Variants in TAF4 observed in about 807,000 individuals in gnomAD.
TAF4 encodes the protein transcription initiation factor TFIID subunit 4.
A neutral mutation model predicts 90.3 loss-of-function variants in TAF4; 9 were observed. The ratio of observed to expected loss-of-function variants is 0.10; its 90% CI spans 0.06 to 0.17. The LOEUF is 0.17. Among genes scored for constraint, TAF4 ranks in the 10% least tolerant of loss-of-function variants. The probability of loss-of-function intolerance (pLI) is 1.00; values close to 1 mark genes in which losing one functional copy is unlikely to be tolerated. For missense variants in TAF4, 1,351 were observed against 1,370.7 expected, an observed-to-expected ratio of 0.99 and a Z score of 0.23; for synonymous variants, 818 against 638.9, an observed-to-expected ratio of 1.28 and a Z score of -4.23.
intron 14 of TAF4, among the ~76,000 whole-genome samples, chr20:61,990,947 A>G (rs1481532272): frequency 1.3e-5 from 2 of 152,216 alleles, no homozygotes. Context: ...ACAGAAAGAC[A>G]TTCAGGTCAA....
At chr20:62,024,825 A>G (rs57926335) in intron 1 of TAF4, among the ~76,000 whole-genome samples, 36,448 of 151,794 alleles carry the variant, frequency 0.24, 6,218 homozygotes, top group African/African-American at 0.47. Context: ...AGCCGAGATC[A>G]TGCCACTGCA....
At chr20:62,042,385 A>G (rs535081323) in intron 1 of TAF4, among the ~76,000 whole-genome samples, 3 of 152,392 alleles carry the variant, frequency 2.0e-5, no homozygotes, top group Admixed American at 6.5e-5. Context: ...CCATCCTTCA[A>G]GTCCGTGTGA....
intron 1 of TAF4, among the ~76,000 whole-genome samples, chr20:62,045,798 A>G (rs1436390302): frequency 6.6e-6 from 1 of 152,114 alleles, no homozygotes; most frequent in Non-Finnish European, 1.5e-5. Flanking sequence ...TCCAGAGCAG[A>G]CGCTCCTGCT....
At chr20:62,028,348 T>C (rs6142701) in intron 1 of TAF4, among the ~76,000 whole-genome samples, 15,021 of 152,266 alleles carry the variant, frequency 0.099, 1,201 homozygotes, top group East Asian at 0.44. Flanking sequence ...TACTTCAGGA[T>C]ATTACAGTTG....
chr20:62,052,837 C>T (rs6061989), intron 1 of TAF4, among the ~76,000 whole-genome samples: 75,613 of 139,540 alleles, frequency 0.54, 20,904 homozygotes, highest in Middle Eastern at 0.66. Flanking sequence ...CTCGCGCCAT[C>T]CCCCATATCC....
chr20:62,017,592 A>G (rs1242407062), intron 1 of TAF4, among the ~76,000 whole-genome samples: 1 of 152,202 alleles, frequency 6.6e-6, no homozygotes, highest in East Asian at 1.9e-4. Context: ...GCTTGCAGTG[A>G]GCTGAGATCG....
intron 1 of TAF4, among the ~76,000 whole-genome samples, chr20:62,053,902 C>G (rs1336066402): frequency 6.6e-6 from 1 of 152,252 alleles, no homozygotes; most frequent in Non-Finnish European, 1.5e-5. Flanking sequence ...ACTTGAAGCC[C>G]TTGCAGCCGC....
At chr20:62,000,911 T>C (rs1017795813) in intron 9 of TAF4, among the ~76,000 whole-genome samples, 190 bp from the exon 10 acceptor site, 2 of 152,116 alleles carry the variant, frequency 1.3e-5, no homozygotes, top group Admixed American at 1.3e-4. Flanking sequence ...CCTGGAAAGC[T>C]CGATTGTTCT....
intron 1 of TAF4, among the ~76,000 whole-genome samples, chr20:62,035,861 G>A (rs1338727001): frequency 6.6e-6 from 1 of 151,884 alleles, no homozygotes; most frequent in Non-Finnish European, 1.5e-5. Context: ...TAATTAATAC[G>A]AAATAATTTA....
intron 1 of TAF4, among the ~76,000 whole-genome samples, chr20:62,030,518 C>A (rs2055898956): frequency 6.6e-6 from 1 of 152,234 alleles, no homozygotes; most frequent in African/African-American, 2.4e-5. Flanking sequence ...TTAACTGTCA[C>A]ACCCCACTGC....
chr20:62,012,774 G>T, intron 3 of TAF4, 41 bp downstream of exon 3: 1 of 1,569,446 alleles, frequency 6.4e-7, no homozygotes, highest in South Asian at 1.2e-5. Flanking sequence ...CACACTTCGT[G>T]GCCCCTGCAG....
In TAF4 at chr20:62,012,949, G is replaced by T; in HGVS notation, c.1522-15C>A. On this transcript the variant is annotated splice_polypyrimidine_tract_variant and intron_variant, in intron 2 of 14. Transcript: ENST00000252996. ...GTTCCAGGTGCCTGAAAAATAAGCA[G>T]AGTCACCTAAAACGAGCGCAAGTAA... 6.2e-7 allele frequency: 1 copy of T among 1,612,030 alleles called. No homozygotes were observed. Among genetic ancestry groups the T allele is most frequent in the Non-Finnish European group, 8.5e-7 (1 of 1,179,442 alleles).
rs567247852 is a variant in TAF4, at chr20:61,997,571, C to T, written c.3069G>A (p.Pro1023=). 18 of 1,612,964 alleles carry T rather than the reference C, an allele frequency of 1.1e-5. No homozygotes were observed. In the East Asian group the frequency reaches 2.0e-4, roughly 18 times the overall value. ...GTACCTCTGCTCCTGAGCCCGGCCC[C>T]GGACAGTCCACTTTCCTCTTTTTCC... The part of the protein sequence containing the change: ...GPRKKRKVDC[P]GPGSGAEGSG... The change falls in exon 14 of 15, where the codon CCG becomes CCA. Residue 1023 remains proline (P), a synonymous_variant. Transcript: ENST00000252996.
intron 13 of TAF4, among the ~76,000 whole-genome samples, chr20:61,997,897 A>G (rs1355261052): frequency 6.6e-6 from 1 of 152,260 alleles, no homozygotes; most frequent in Non-Finnish European, 1.5e-5. Flanking sequence ...GCAAGTCAAA[A>G]GCACAGAGAC....
chr20:62,055,429 CTG>C (rs951913519), intron 1 of TAF4, among the ~76,000 whole-genome samples: 6 of 152,218 alleles, frequency 3.9e-5, no homozygotes, highest in Admixed American at 1.3e-4. Context: ...TCAATTCACA[CTG>C]TGTGCAGGCA....
chr20:62,056,004 AG>A (rs772596194), intron 1 of TAF4, among the ~76,000 whole-genome samples: 7 of 152,212 alleles, frequency 4.6e-5, no homozygotes, highest in Non-Finnish European at 1.0e-4. Context: ...TGGGAGGCAG[AG>A]GCAGGCGGAG....
chr20:61,995,285 A>G (rs2055656606), intron 14 of TAF4, among the ~76,000 whole-genome samples: 1 of 152,246 alleles, frequency 6.6e-6, no homozygotes. Context: ...CAGCTTTAAT[A>G]ATAAGCTCAA....
intron 1 of TAF4, among the ~76,000 whole-genome samples, chr20:62,023,133 A>G (rs889183089): frequency 6.6e-6 from 1 of 151,856 alleles, no homozygotes; most frequent in Non-Finnish European, 1.5e-5. Context: ...GTCTTAGATT[A>G]ACCAACACAA....
chr20:62,039,646 T>C (rs1009873187), intron 1 of TAF4, among the ~76,000 whole-genome samples: 3 of 152,322 alleles, frequency 2.0e-5, no homozygotes, highest in Middle Eastern at 3.4e-3. Context: ...AAATGATACA[T>C]TGGGCTTCCT....
Sources: gnomAD v4.1 joint callset for allele counts (sites outside exome capture counted in the v4.1 genomes callset) on GRCh38, gnomAD v4.1.1 for gene constraint, MANE v1.5 for transcripts, NCBI Gene and HGNC (gene_info 2026-07-23, HGNC 2026-07-21) for gene names.